Variants in DNAJC9 observed in about 807,000 individuals in gnomAD.
DNAJC9 encodes the protein DnaJ heat shock protein family (Hsp40) member C9, also known as dnaJ homolog subfamily C member 9.
In DNAJC9, 18 loss-of-function variants were observed where a neutral mutation model predicts 32.4. The observed-to-expected ratio is 0.56, with a 90% CI of 0.38 to 0.82. DNAJC9 has a LOEUF of 0.82. Among genes scored for constraint, DNAJC9 ranks in the 40% least tolerant of loss-of-function variants. The pLI is 0.00. For missense variants in DNAJC9, 310 were observed against 321.8 expected, an observed-to-expected ratio of 0.96 and a Z score of 0.28; for synonymous variants, 113 against 122.1, an observed-to-expected ratio of 0.93 and a Z score of 0.49.
chr10:73,237,731 A>AT (rs555776624), downstream of DNAJC9, among the ~76,000 whole-genome samples: 34 of 151,002 alleles, frequency 2.3e-4, no homozygotes, highest in South Asian at 4.8e-3. Context: ...CAAACATTTC[A>AT]TTTTTTTTAA....
chr10:73,241,849 G>A (rs967332490), downstream of DNAJC9: 1 of 152,170 alleles, frequency 6.6e-6, no homozygotes, highest in South Asian at 2.1e-4. Flanking sequence ...AAGAAACCCT[G>A]GCAATTAATT....
downstream of DNAJC9, chr10:73,234,990 G>A (rs1042629481): frequency 1.0e-4 from 158 of 1,540,346 alleles, no homozygotes; most frequent in Non-Finnish European, 1.3e-4. Flanking sequence ...ACAACCTAAT[G>A]GGCAGTAATT....
rs765207516 is a variant in DNAJC9 at position 73,246,138 on chromosome 10, G to A, written c.360C>T (p.Tyr120=). 32 of 1,613,126 alleles carry A rather than the reference G, an allele frequency of 2.0e-5. No homozygotes were observed. The highest frequency in any genetic ancestry group is 2.7e-5 in the Non-Finnish European group (32 of 1,179,798). ...LEDIQAFEKT[Y]KGSEEELADI... is the part of the protein sequence containing the mutation. ...CAGCCAGCTCTTCTTCCGAACCTTT[G>A]TATGTCTTTTCAAAAGCTTGAATGT... is the stretch of plus-strand genomic sequence containing the variant. The change falls in exon 3 of 5, where the codon TAC becomes TAT. Residue 120 remains tyrosine (Y), a synonymous_variant. Transcript: ENST00000372950.
chr10:73,235,488 T>C (rs894707403), downstream of DNAJC9: 2 of 1,404,236 alleles, frequency 1.4e-6, no homozygotes, highest in South Asian at 1.5e-5. Flanking sequence ...TTCTAACTAG[T>C]CCCTGATGCC....
At position 73,243,445 on chromosome 10, in the gene DNAJC9, G is replaced by A; in HGVS notation, c.738C>T (p.Ser246=). ...GAGCAGATTTTTTCCCTCCTCCTTT[G>A]GAAGATTTGCAGTACTTTGCTTCCA... ...AQMEAKYCKS[S]KGGGKKSALK... The change falls in exon 5 of 5, where the codon TCC becomes TCT. Residue 246 remains serine (S), a synonymous_variant. Transcript: ENST00000372950. 2 of 1,613,850 alleles carry A rather than the reference G, an allele frequency of 1.2e-6. No individual in the cohort carries two copies. The highest frequency in any genetic ancestry group is 1.7e-5 in the Admixed American group (1 of 60,004).
In DNAJC9 at chr10:73,246,129, C is replaced by G. The variant is rs1305725037; in HGVS notation, c.369G>C (p.Ser123=). ...IQAFEKTYKG[S]EEELADIKQA... ...GCTTAATATCAGCCAGCTCTTCTTCCGAACCTTTGTATGTCTTTTCAAAAG... is the reference window on the plus strand; with the variant it reads ...GCTTAATATCAGCCAGCTCTTCTTCGGAACCTTTGTATGTCTTTTCAAAAG... The change falls in exon 3 of 5, where the codon TCG becomes TCC. Residue 123 remains serine, a synonymous_variant. Coordinates refer to ENST00000372950, the MANE Select transcript of DNAJC9 (RefSeq NM_015190.5). 1 of 1,613,700 alleles carries G rather than the reference C, an allele frequency of 6.2e-7. No individual in the cohort carries two copies. Among genetic ancestry groups the G allele is most frequent in the African/African-American group, 1.3e-5 (1 of 74,894 alleles).
chr10:73,235,095 C>A, downstream of DNAJC9: 1 of 1,448,666 alleles, frequency 6.9e-7, no homozygotes, highest in Non-Finnish European at 9.4e-7. Flanking sequence ...AGCTGTTTGG[C>A]CTGCACTTAC....
At chr10:73,233,265 A>C in intron 2 of DNAJC9, 1 of 832,030 alleles carries the variant, frequency 1.2e-6, no homozygotes, top group Non-Finnish European at 1.9e-6. Context: ...CCTAGAAACT[A>C]ATCATTAAGT....
Position 73,246,757 on chromosome 10 carries a change from C to T in DNAJC9, c.252G>A (p.Val84=), listed in dbSNP as rs1342108129. ...QRAVYDEQGT[V]DEDSPVLTQD... is the part of the protein sequence containing the mutation. ...GGGTGAGCACAGGAGAGTCCTCGTC[C>T]ACTGTTCCCTGCTCATCGTACACTG... The change falls in exon 2 of 5, where the codon GTG becomes GTA. Residue 84 remains valine, a synonymous_variant. Coordinates refer to ENST00000372950, the MANE Select transcript of DNAJC9 (RefSeq NM_015190.5). 9.3e-6 allele frequency: 15 copies of T among 1,614,020 alleles called. No homozygotes were observed. Among genetic ancestry groups the T allele is most frequent in the African/African-American group, 1.3e-5 (1 of 74,924 alleles).
intron 2 of DNAJC9, chr10:73,232,895 A>G: frequency 8.6e-7 from 1 of 1,162,906 alleles, no homozygotes; most frequent in Non-Finnish European, 1.3e-6. Flanking sequence ...CTTCCTTGAC[A>G]TACTGATCTT....
downstream of DNAJC9, chr10:73,241,253 G>A (rs2043946077): frequency 2.1e-6 from 1 of 483,716 alleles, no homozygotes; most frequent in Non-Finnish European, 3.8e-6. Flanking sequence ...TATCCCATTG[G>A]AAAGGCAAGT....
At position 73,247,023 on chromosome 10, in the gene DNAJC9, G is replaced by A. The variant is rs1479422584; in HGVS notation, c.167C>T (p.Thr56Ile). 10 of 1,526,462 alleles carry A rather than the reference G, an allele frequency of 6.6e-6. No individual in the cohort carries two copies. The highest frequency in any genetic ancestry group is 1.9e-5 in the Admixed American group (1 of 52,050). The allele number at this position is 1,526,462 out of a possible 1,614,324, so 94.6% of individuals were successfully genotyped here. ...GACCCTGCATACCTGGAAGCGGCGG[G>A]TGGCGTCCTCCTTGTCGCCCTCACC... The part of the protein sequence containing the change: ...RVGEGDKEDA[T>I]RRFQILGKVY... Residue 56 changes from threonine to isoleucine, a missense_variant, in exon 1 of 5, where the codon ACC (threonine) becomes ATC (isoleucine). Physicochemically the swap from Thr to Ile is moderately conservative, Grantham distance 89. Coordinates refer to ENST00000372950, the MANE Select transcript of DNAJC9 (RefSeq NM_015190.5).
chr10:73,247,069 G>C lies in DNAJC9; in HGVS notation c.121C>G (p.Gln41Glu), dbSNP rs764072358. The change falls in exon 1 of 5, where the codon CAG becomes GAG. Residue 41 changes from glutamine to glutamate, a missense_variant. Coordinates refer to ENST00000372950, the MANE Select transcript of DNAJC9 (RefSeq NM_015190.5). ...TCACCCACCCGGTCCGGGTGTACCT[G>C]CAGGGACACCTTGTGGTAGCCTCGT... is the stretch of plus-strand genomic sequence containing the variant. ...VRRGYHKVSLQVHPDRVGEGD... is the reference protein window; with the variant it reads ...VRRGYHKVSLEVHPDRVGEGD... The C allele has an allele frequency of 3.1e-6, 5 of 1,589,084 alleles. No homozygotes were observed. The East Asian group carries it at 1.2e-4, about 37-fold the overall frequency.
intron 3 of DNAJC9, chr10:73,244,205 G>A (rs2043982852): frequency 2.6e-6 from 1 of 391,630 alleles, no homozygotes. Flanking sequence ...ATGATAAAAA[G>A]GAACATGAGG....
In DNAJC9 at chr10:73,247,004, G is replaced by C; in HGVS notation, c.180+6C>G. ...CCGGTCGGCTTCGGGGCGGGACCCTGCATACCTGGAAGCGGCGGGTGGCGT... is the reference window on the plus strand; with the variant it reads ...CCGGTCGGCTTCGGGGCGGGACCCTCCATACCTGGAAGCGGCGGGTGGCGT... On this transcript the variant is annotated splice_donor_region_variant and intron_variant, in intron 1 of 4. Transcript: ENST00000372950. 6.4e-7 allele frequency: 1 copy of C among 1,563,158 alleles called. No homozygotes were observed. The highest frequency in any genetic ancestry group is 8.7e-7 in the Non-Finnish European group (1 of 1,153,344).
At chr10:73,234,638 A>T, downstream of DNAJC9, 1 of 652,794 alleles carries the variant, frequency 1.5e-6, no homozygotes, top group Non-Finnish European at 2.6e-6. Context: ...ATCAGAAAAC[A>T]CTATTTTAAA....
intron 2 of DNAJC9, chr10:73,232,809 G>A: frequency 1.6e-6 from 1 of 621,246 alleles, no homozygotes; most frequent in African/African-American, 1.8e-5. Context: ...GTTACTTATT[G>A]AAAGGTTTTT....
intron 3 of DNAJC9, among the ~76,000 whole-genome samples, chr10:73,245,425 G>A (rs77579177): frequency 0.1 from 14,532 of 145,360 alleles, 993 homozygotes; most frequent in South Asian, 0.21. Context: ...AAAAGGCTGG[G>A]GACCGCTAAG....
At chr10:73,233,238 T>C (rs2043752469) in intron 2 of DNAJC9, 1 of 1,060,392 alleles carries the variant, frequency 9.4e-7, no homozygotes, top group South Asian at 1.4e-5. Context: ...AATTTAAATA[T>C]AAGACTGAAA....
Sources: gnomAD v4.1 joint callset for allele counts (sites outside exome capture counted in the v4.1 genomes callset) on GRCh38, gnomAD v4.1.1 for gene constraint, MANE v1.5 for transcripts, NCBI Gene and HGNC (gene_info 2026-07-23, HGNC 2026-07-21) for gene names.